Variants in PTPRK observed in about 807,000 individuals in gnomAD.
PTPRK encodes the protein receptor-type tyrosine-protein phosphatase kappa.
PTPRK carries 75 observed loss-of-function variants against 178.0 expected under a neutral mutation model. The observed-to-expected ratio is 0.42, with a 90% CI of 0.35 to 0.51. The LOEUF (loss-of-function observed/expected upper bound fraction) is 0.51, where lower values mean the gene tolerates loss of function less well. Ranked by LOEUF, PTPRK falls within the 20% of genes least tolerant of loss-of-function variation. PTPRK has a pLI of 0.02. For synonymous variants in PTPRK, 637 were observed against 620.6 expected (o/e 1.03, Z -0.39); for missense variants, 1,441 against 1,797.8 (o/e 0.80, Z 3.59).
chr6:128,186,228 G>C (rs1458909582), intron 6 of PTPRK, among the ~76,000 whole-genome samples: 1 of 151,888 alleles, frequency 6.6e-6, no homozygotes, highest in Non-Finnish European at 1.5e-5. Context: ...AATTTATATA[G>C]GAAACAAAAA....
intron 3 of PTPRK, among the ~76,000 whole-genome samples, chr6:128,252,365 C>A (rs543023748): frequency 2.4e-4 from 37 of 152,222 alleles, no homozygotes; most frequent in Middle Eastern, 3.4e-3. Flanking sequence ...ATTCTGCATT[C>A]CTGAAATCTT....
intron 3 of PTPRK, among the ~76,000 whole-genome samples, chr6:128,298,328 G>C (rs1304260051): frequency 6.6e-6 from 1 of 151,950 alleles, no homozygotes; most frequent in Non-Finnish European, 1.5e-5. Context: ...CATTCCTTCT[G>C]AAACTATTCC....
chr6:128,512,614 T>C (rs958253421), intron 1 of PTPRK, among the ~76,000 whole-genome samples: 2 of 152,340 alleles, frequency 1.3e-5, no homozygotes, highest in African/African-American at 2.4e-5. Context: ...TTAGGTCTTC[T>C]GGGAAAATTC....
chr6:127,990,447 C>G (rs1776475122), intron 21 of PTPRK, among the ~76,000 whole-genome samples: 1 of 151,982 alleles, frequency 6.6e-6, no homozygotes, highest in Non-Finnish European at 1.5e-5. Flanking sequence ...TCTTACCCTG[C>G]CTAAATAATA....
chr6:128,483,940 G>A (rs1352697095), intron 1 of PTPRK, among the ~76,000 whole-genome samples: 6 of 151,784 alleles, frequency 4.0e-5, no homozygotes, highest in African/African-American at 1.5e-4. Context: ...TGACATCCTG[G>A]GCAGGATGTC....
At position 128,087,584 on chromosome 6, in the gene PTPRK, G is replaced by A. The variant is rs566361406; in HGVS notation, c.1465+2106C>T. Among the ~76,000 whole-genome samples, 3 of 151,972 alleles carry A rather than the reference G, an allele frequency of 2.0e-5. No individual in the cohort carries two copies. The South Asian group carries it at 6.2e-4, about 32-fold the overall frequency. ...TGTGTGTGGCAGGGGTAAGATATAA[G>A]GATATTTGTGTGTTTATTAATTAGG... On this transcript the variant is annotated intron_variant, in intron 8 of 29. Coordinates refer to ENST00000368226, the MANE Select transcript of PTPRK (RefSeq NM_002844.4).
intron 7 of PTPRK, among the ~76,000 whole-genome samples, chr6:128,173,716 C>T (rs531838811): frequency 2.0e-5 from 3 of 152,066 alleles, no homozygotes; most frequent in African/African-American, 7.2e-5. Context: ...ACTGATTCTA[C>T]CTATCAAATC....
chr6:128,454,031 C>T (rs1458765985), intron 1 of PTPRK, among the ~76,000 whole-genome samples: 2 of 152,072 alleles, frequency 1.3e-5, no homozygotes, highest in Middle Eastern at 3.2e-3. Flanking sequence ...ATAAGAAAAT[C>T]CCCATTTTGC....
At chr6:128,328,982 C>A (rs528630996) in intron 2 of PTPRK, among the ~76,000 whole-genome samples, 2 of 152,122 alleles carry the variant, frequency 1.3e-5, no homozygotes, top group East Asian at 3.9e-4. Context: ...CTGGGAAATT[C>A]TTCTATTCAT....
intron 13 of PTPRK, among the ~76,000 whole-genome samples, chr6:128,047,596 AT>A (rs1265388027): frequency 6.6e-6 from 1 of 152,158 alleles, no homozygotes; most frequent in African/African-American, 2.4e-5. Flanking sequence ...GTTTTCTGGT[AT>A]TTTAGACTGA....
At chr6:128,491,414 C>T (rs1467688863) in intron 1 of PTPRK, among the ~76,000 whole-genome samples, 1 of 152,174 alleles carries the variant, frequency 6.6e-6, no homozygotes, top group Non-Finnish European at 1.5e-5. Context: ...CTTTGATTTT[C>T]TCACATTCCC....
intron 5 of PTPRK, among the ~76,000 whole-genome samples, chr6:128,219,324 A>T (rs1278659730): frequency 6.6e-6 from 1 of 152,160 alleles, no homozygotes; most frequent in Admixed American, 6.5e-5. Context: ...CAATTTTTCT[A>T]TGGAACAATG....
At chr6:128,216,222 T>G (rs948563262) in intron 6 of PTPRK, among the ~76,000 whole-genome samples, 1 of 152,148 alleles carries the variant, frequency 6.6e-6, no homozygotes, top group Non-Finnish European at 1.5e-5. Context: ...ACAAAACTTA[T>G]GGCAGGACTT....
chr6:128,112,376 G>A (rs1035332271), intron 7 of PTPRK, among the ~76,000 whole-genome samples: 14 of 151,886 alleles, frequency 9.2e-5, no homozygotes, highest in African/African-American at 2.2e-4. Flanking sequence ...TTTCTTGGAT[G>A]GAAAGACATT....
At chr6:128,217,178 T>G (rs896546236) in intron 6 of PTPRK, among the ~76,000 whole-genome samples, 4 of 152,184 alleles carry the variant, frequency 2.6e-5, no homozygotes, top group African/African-American at 9.7e-5. Flanking sequence ...TTAACAAAGA[T>G]GCATGTGTGA....
intron 13 of PTPRK, among the ~76,000 whole-genome samples, chr6:128,040,530 C>T (rs1776994222): frequency 6.6e-6 from 1 of 152,010 alleles, no homozygotes. Flanking sequence ...AAGCCAAGTG[C>T]TGTGAACAAC....
intron 7 of PTPRK, among the ~76,000 whole-genome samples, chr6:128,177,273 T>C (rs1313866927): frequency 2.0e-5 from 3 of 151,778 alleles, no homozygotes; most frequent in African/African-American, 7.2e-5. Flanking sequence ...TAAGACATTA[T>C]AAATATACCA....
chr6:128,090,815 G>C (rs554992940), intron 7 of PTPRK, among the ~76,000 whole-genome samples: 73 of 152,022 alleles, frequency 4.8e-4, no homozygotes, highest in African/African-American at 1.7e-3. Flanking sequence ...CATGGCCATG[G>C]CAACATCTAC....
chr6:128,485,773 G>A (rs1395381390), intron 1 of PTPRK, among the ~76,000 whole-genome samples: 1 of 152,134 alleles, frequency 6.6e-6, no homozygotes, highest in African/African-American at 2.4e-5. Context: ...AAACAGAATG[G>A]AGCTTCTGCT....
Sources: allele counts gnomAD v4.1 joint callset (sites outside exome capture counted in the v4.1 genomes callset), GRCh38; gene constraint gnomAD v4.1.1; transcripts MANE v1.5; gene names NCBI Gene and HGNC (gene_info 2026-07-23, HGNC 2026-07-21).